The following OXNAD1 variants were observed in gnomAD, a reference collection of about 807,000 sequenced individuals.
OXNAD1 encodes oxidoreductase NAD-binding domain-containing protein 1.
A neutral mutation model predicts 32.9 loss-of-function variants in OXNAD1; 34 were observed. The ratio of observed to expected loss-of-function variants is 1.03; its 90% CI spans 0.79 to 1.38. The LOEUF is 1.38. OXNAD1 is among the 40% of genes most tolerant of loss of function. The pLI is 0.00. For missense variants in OXNAD1, 407 were observed against 379.4 expected, an observed-to-expected ratio of 1.07 and a Z score of -0.60; for synonymous variants, 134 against 135.2, an observed-to-expected ratio of 0.99 and a Z score of 0.06.
In OXNAD1 at chr3:16,346,367, G is replaced by T. The variant is rs1410981132; in HGVS notation, c.*31-2809G>T. On this transcript the variant is annotated intron_variant, in intron 9 of 9. Coordinates refer to the OXNAD1 transcript ENST00000606098. The surrounding 1 kb of genome is among the most constrained non-coding windows in gnomAD (Gnocchi z 4.4). ...AATTTTGTATATGAAGTGAAATATG[G>T]CTGTCTGAGAAAATAGGACAATTGA... is the stretch of plus-strand genomic sequence containing the variant. 2 of 152,174 alleles carry T rather than the reference G, an allele frequency of 1.3e-5. No homozygotes were observed. Among genetic ancestry groups the T allele is most frequent in the Non-Finnish European group, 2.9e-5 (2 of 68,028 alleles). The allele number at this position is 152,174 out of a possible 1,614,324, so 9.4% of individuals were successfully genotyped here.
chr3:16,343,437 C>G (rs1383803198), intron 9 of OXNAD1, among the ~76,000 whole-genome samples: 1 of 152,154 alleles, frequency 6.6e-6, no homozygotes, highest in Non-Finnish European at 1.5e-5. Flanking sequence ...ACCTGATTAC[C>G]CTTGTTTTTT....
At chr3:16,343,426 T>C (rs1026074356) in intron 9 of OXNAD1, among the ~76,000 whole-genome samples, 15 of 152,220 alleles carry the variant, frequency 9.9e-5, no homozygotes, top group African/African-American at 3.4e-4. Context: ...GGAAGCCAGC[T>C]ACCTGATTAC....
chr3:16,341,561 G>C (rs2071320704), downstream of OXNAD1, among the ~76,000 whole-genome samples: 1 of 152,012 alleles, frequency 6.6e-6, no homozygotes, highest in Admixed American at 6.6e-5. The surrounding 1 kb of genome is among the most constrained non-coding windows in gnomAD (Gnocchi z 4.7). Context: ...TACTGTATGG[G>C]AACTCTGTAG....
chr3:16,291,516 G>T (rs2066427654), intron 5 of OXNAD1, among the ~76,000 whole-genome samples: 1 of 152,170 alleles, frequency 6.6e-6, no homozygotes, highest in Non-Finnish European at 1.5e-5. Flanking sequence ...ACAATACAGT[G>T]TGTGGTCTTT....
downstream of OXNAD1, among the ~76,000 whole-genome samples, chr3:16,310,991 C>CAAAAAAAAAA (rs1003070321): frequency 5.2e-5 from 3 of 57,544 alleles, no homozygotes; most frequent in African/African-American, 2.8e-4. Flanking sequence ...ACTCAGTCTC[C>CAAAAAAAAAA]AAAAAAAAAA....
At chr3:16,318,100 G>A (rs538004457) in intron 9 of OXNAD1, among the ~76,000 whole-genome samples, 25 of 152,250 alleles carry the variant, frequency 1.6e-4, no homozygotes, top group African/African-American at 5.8e-4. Flanking sequence ...CCAAGGTCAC[G>A]CGGCCAGTAA....
Position 16,286,449 on chromosome 3 carries a change from G to A in OXNAD1, c.290+1G>A, listed in dbSNP as rs1187778111. Reference sequence around the variant, plus strand: ...ACTTTTCCTTTAAAGCTGGCCAGTGGTAAGTGACTTTTCTGTGTTCCATGT... The same window carrying A: ...ACTTTTCCTTTAAAGCTGGCCAGTGATAAGTGACTTTTCTGTGTTCCATGT... On this transcript the variant is annotated splice_donor_variant, in intron 5 of 8. Transcript: ENST00000285083. LOFTEE classifies it high-confidence loss of function. The A allele has an allele frequency of 1.9e-6, 3 of 1,612,736 alleles. No individual in the cohort carries two copies. The South Asian group carries it at 3.3e-5, about 18-fold the overall frequency.
downstream of OXNAD1, among the ~76,000 whole-genome samples, chr3:16,309,159 A>C (rs1024524087): frequency 6.6e-6 from 1 of 152,130 alleles, no homozygotes; most frequent in African/African-American, 2.4e-5. Context: ...ATACACTTCA[A>C]ATTCTTGCTA....
downstream of OXNAD1, among the ~76,000 whole-genome samples, chr3:16,308,739 TTATA>T (rs2125118112): frequency 6.6e-6 from 1 of 152,296 alleles, no homozygotes; most frequent in African/African-American, 2.4e-5. The surrounding 1 kb of genome is among the most constrained non-coding windows in gnomAD (Gnocchi z 4.4). Flanking sequence ...ATCCAAACTT[TTATA>T]GTTGTTGAGC....
chr3:16,313,205 AT>A (rs750491540), intron 9 of OXNAD1, among the ~76,000 whole-genome samples: 221 of 103,772 alleles, frequency 2.1e-3, no homozygotes, highest in Admixed American at 2.2e-3. Context: ...CACCCAGCGG[AT>A]TTTTTTTTTT....
chr3:16,314,308 C>T lies in OXNAD1; in HGVS notation c.*30+10716C>T, dbSNP rs1048498812. The T allele has an allele frequency of 6.6e-6, 1 of 152,130 alleles. No individual in the cohort carries two copies. Among genetic ancestry groups the T allele is most frequent in the African/African-American group, 2.4e-5 (1 of 41,422 alleles). 9.4% of individuals were successfully genotyped at this position (152,130 alleles called of 1,614,324 possible). On this transcript the variant is annotated intron_variant, in intron 9 of 9. Transcript: ENST00000435829. The surrounding 1 kb of genome is among the most constrained non-coding windows in gnomAD (Gnocchi z 4.4). ...AATGCCTCCACTTGAAATGTACATGCAGGATGTTGAGAATGGATTTTAGGG... is the reference window on the plus strand; with the variant it reads ...AATGCCTCCACTTGAAATGTACATGTAGGATGTTGAGAATGGATTTTAGGG...
At chr3:16,310,225 T>C (rs919179617), downstream of OXNAD1, among the ~76,000 whole-genome samples, 1 of 152,238 alleles carries the variant, frequency 6.6e-6, no homozygotes, top group Admixed American at 6.5e-5. Flanking sequence ...TAGACAGTTA[T>C]TAACTTACGC....
chr3:16,291,208 A>C (rs112830776), intron 5 of OXNAD1, among the ~76,000 whole-genome samples: 76 of 152,218 alleles, frequency 5.0e-4, no homozygotes, highest in African/African-American at 1.6e-3. Flanking sequence ...CTAGTGGGAG[A>C]GTTTTTGTTG....
At chr3:16,282,368 A>T (rs1318951006) in intron 4 of OXNAD1, among the ~76,000 whole-genome samples, 3 of 28,408 alleles carry the variant, frequency 1.1e-4, no homozygotes, top group Non-Finnish European at 2.7e-4. Context: ...CACCCAGCTT[A>T]AAAAAAAAAA....
At chr3:16,269,729 T>A (rs2064794604) in intron 2 of OXNAD1, among the ~76,000 whole-genome samples, 1 of 152,202 alleles carries the variant, frequency 6.6e-6, no homozygotes, top group Non-Finnish European at 1.5e-5. Flanking sequence ...AATTAATGAA[T>A]ATGGAGTAGG....
chr3:16,331,099 T>C (rs2070261075), intron 9 of OXNAD1, among the ~76,000 whole-genome samples: 1 of 152,228 alleles, frequency 6.6e-6, no homozygotes, highest in Non-Finnish European at 1.5e-5. Flanking sequence ...TCTCCATACC[T>C]GAGAAAAGTG....
downstream of OXNAD1, among the ~76,000 whole-genome samples, chr3:16,351,794 C>T (rs1337962062): frequency 6.6e-6 from 1 of 152,036 alleles, no homozygotes; most frequent in Non-Finnish European, 1.5e-5. This position sits in a 1 kb window ranked among gnomAD's most constrained non-coding sequence, Gnocchi z 5.4. Flanking sequence ...AGTTGAATTC[C>T]TTGAATAGAC....
intron 9 of OXNAD1, among the ~76,000 whole-genome samples, chr3:16,318,163 G>A (rs932445511): frequency 2.0e-5 from 3 of 151,962 alleles, no homozygotes; most frequent in Non-Finnish European, 4.4e-5. Flanking sequence ...AAGACCACCC[G>A]AGAGCGAGCC....
Position 16,304,506 on chromosome 3 carries a change from T to G in OXNAD1, c.*944T>G, listed in dbSNP as rs2067406888. 1 of 152,180 alleles carries G rather than the reference T, an allele frequency of 6.6e-6. No homozygotes were observed. The highest frequency in any genetic ancestry group is 1.5e-5 in the Non-Finnish European group (1 of 68,006). 9.4% of individuals were successfully genotyped at this position (152,180 alleles called of 1,614,324 possible). Reference sequence around the variant, plus strand: ...TTTAACTCCTTGCTAAGTCTGAGATTGGGAGGCAGTCCCCTAGAGTGGATA... The same window carrying G: ...TTTAACTCCTTGCTAAGTCTGAGATGGGGAGGCAGTCCCCTAGAGTGGATA... On this transcript the variant is annotated 3_prime_UTR_variant, in exon 9 of 9. Transcript: ENST00000285083. The surrounding 1 kb of genome is among the most constrained non-coding windows in gnomAD (Gnocchi z 4.6).
Sources: gnomAD v4.1 joint callset for allele counts (sites outside exome capture counted in the v4.1 genomes callset) on GRCh38, gnomAD v4.1.1 for gene constraint, Gnocchi (gnomAD v3.1) non-coding constraint, MANE v1.5 for transcripts, NCBI Gene and HGNC (gene_info 2026-07-23, HGNC 2026-07-21) for gene names.